FHOD3: variants seen among roughly 807,000 people sequenced by gnomAD.
The protein encoded by FHOD3 is FH1/FH2 domain-containing protein 3.
In FHOD3, 90 loss-of-function variants were observed where a neutral mutation model predicts 173.0. The ratio of observed to expected loss-of-function variants is 0.52; its 90% CI spans 0.44 to 0.62. FHOD3 has a LOEUF of 0.62. FHOD3 is among the 20% of genes least tolerant of loss of function. The probability of loss-of-function intolerance (pLI) is 0.00; values close to 1 mark genes in which losing one functional copy is unlikely to be tolerated. For missense variants in FHOD3, 1,945 were observed against 2,034.7 expected (o/e 0.96, Z 0.85); for synonymous variants, 828 against 823.0 (o/e 1.01, Z -0.10).
intron 19 of FHOD3, among the ~76,000 whole-genome samples, chr18:36,720,778 CTCTTCCTCCTCCTCT>C (rs779856451): frequency 0.018 from 689 of 38,728 alleles, 5 homozygotes; most frequent in South Asian, 0.11. Flanking sequence ...CCTCCTCCTC[CTCTTCCTCCTCCTCT>C]TCCTCCTCCT....
At chr18:36,778,193 C>T (rs2043826783) in intron 28 of FHOD3, 1 of 152,180 alleles carries the variant, frequency 6.6e-6, no homozygotes, top group African/African-American at 2.4e-5. Flanking sequence ...AAGGCATAGA[C>T]CATGGGGTGT....
intron 1 of FHOD3, among the ~76,000 whole-genome samples, chr18:36,300,410 G>C (rs1026662813): frequency 4.0e-4 from 61 of 152,312 alleles, no homozygotes; most frequent in African/African-American, 9.6e-4. Context: ...TAAAAGCCTT[G>C]AGGCAGAATT....
intron 14 of FHOD3, among the ~76,000 whole-genome samples, chr18:36,681,078 T>C (rs900517385): frequency 6.6e-6 from 1 of 152,168 alleles, no homozygotes; most frequent in Non-Finnish European, 1.5e-5. Context: ...GAAAGCTGAT[T>C]CTAGCTCATC....
At chr18:36,695,624 A>G (rs996048495) in intron 17 of FHOD3, among the ~76,000 whole-genome samples, 1 of 152,226 alleles carries the variant, frequency 6.6e-6, no homozygotes, top group African/African-American at 2.4e-5. Context: ...CAAATCAGCA[A>G]GAGCAAACAG....
chr18:36,686,102 G>T (rs548671851), intron 15 of FHOD3, among the ~76,000 whole-genome samples: 10 of 152,140 alleles, frequency 6.6e-5, no homozygotes, highest in African/African-American at 2.4e-4. Context: ...CGATTACTGG[G>T]TATATACCCA....
At position 36,375,736 on chromosome 18, in the gene FHOD3, C is replaced by T. The variant is rs540282279; in HGVS notation, c.337+2992C>T. On this transcript the variant is annotated intron_variant, in intron 3 of 28. Transcript: ENST00000590592. The stretch of plus-strand genomic sequence containing the variant: ...CACAGGGGCTCTGCTTCGATGGTTA[C>T]AGCTAGCAGCTGAAGCAGGTCTTTT... Among the ~76,000 whole-genome samples the T allele has an allele frequency of 5.9e-5, 9 of 152,320 alleles. No individual in the cohort carries two copies. In the South Asian group the frequency reaches 1.5e-3, roughly 25 times the overall value.
At chr18:36,512,637 A>G in intron 5 of FHOD3, 94 bp downstream of exon 5, 2 of 880,576 alleles carry the variant, frequency 2.3e-6, no homozygotes. Context: ...TTTTTAAAAG[A>G]CTTCGATTTG....
chr18:36,686,822 A>T (rs1568607111), intron 15 of FHOD3, among the ~76,000 whole-genome samples: 1 of 152,140 alleles, frequency 6.6e-6, no homozygotes, highest in African/African-American at 2.4e-5. Context: ...TTATTTATGG[A>T]TTTTTTAAAA....
chr18:36,663,789 C>T (rs953066732), intron 14 of FHOD3, among the ~76,000 whole-genome samples: 1 of 152,202 alleles, frequency 6.6e-6, no homozygotes, highest in Non-Finnish European at 1.5e-5. Flanking sequence ...GCCTGCCAGG[C>T]TTGCCTTTTG....
At chr18:36,479,581 G>A (rs1302075029) in intron 3 of FHOD3, among the ~76,000 whole-genome samples, 1 of 128,008 alleles carries the variant, frequency 7.8e-6, no homozygotes, top group Non-Finnish European at 1.6e-5. Flanking sequence ...GCCATTTTAG[G>A]AATGTGTACT....
chr18:36,318,209 T>C (rs2044224049), intron 1 of FHOD3, among the ~76,000 whole-genome samples: 2 of 151,192 alleles, frequency 1.3e-5, no homozygotes, highest in Admixed American at 6.6e-5. Flanking sequence ...CTAGGCAGGC[T>C]CTTTTTTTGG....
At chr18:36,553,971 A>C (rs770258405) in intron 5 of FHOD3, among the ~76,000 whole-genome samples, 22 of 152,330 alleles carry the variant, frequency 1.4e-4, no homozygotes, top group African/African-American at 1.9e-4. Context: ...GGCGATCATT[A>C]AAAAGTCAGG....
chr18:36,400,785 C>A (rs1248458030), intron 3 of FHOD3, among the ~76,000 whole-genome samples: 3 of 152,290 alleles, frequency 2.0e-5, no homozygotes, highest in Middle Eastern at 6.8e-3. Flanking sequence ...ACAGCCATCT[C>A]CTTTGGGATG....
rs766348312 is a variant in FHOD3, at chr18:36,779,492, G to A, written c.4831G>A (p.Ala1611Thr). The change falls in exon 29 of 29, where the codon GCC (alanine) becomes ACC (threonine). Residue 1611 changes from alanine (A) to threonine (T), a missense_variant. Physicochemically the swap from Ala to Thr is moderately conservative, Grantham distance 58 (BLOSUM62 0). Transcript: ENST00000590592. ...KSGLTPEEAR[A>T]LGLVGTSELQ... The stretch of plus-strand genomic sequence containing the variant: ...CGGCCTGACCCCAGAAGAAGCCAGA[G>A]CCCTGGGCTTGGTTGGCACCTCGGA... 5 of 1,614,172 alleles carry A rather than the reference G, an allele frequency of 3.1e-6. No individual in the cohort carries two copies. Among genetic ancestry groups the A allele is most frequent in the Non-Finnish European group, 4.2e-6 (5 of 1,180,036 alleles).
At chr18:36,693,481 A>G in intron 17 of FHOD3, 58 bp downstream of exon 17, 1 of 1,446,010 alleles carries the variant, frequency 6.9e-7, no homozygotes. Context: ...AGGCTTCCTC[A>G]GGGCAGTAGT....
At chr18:36,543,153 T>G (rs1599583145) in intron 5 of FHOD3, among the ~76,000 whole-genome samples, 2 of 152,208 alleles carry the variant, frequency 1.3e-5, no homozygotes, top group African/African-American at 2.4e-5. Flanking sequence ...ATCAGTTCTT[T>G]CCTGGATCTT....
chr18:36,555,386 TAA>T (rs1325651086), intron 5 of FHOD3, among the ~76,000 whole-genome samples: 1 of 143,266 alleles, frequency 7.0e-6, no homozygotes. Context: ...TCCATTGTGG[TAA>T]AAAAAAAAAC....
At chr18:36,748,988 A>G (rs533394278) in intron 24 of FHOD3, among the ~76,000 whole-genome samples, 1 of 140,458 alleles carries the variant, frequency 7.1e-6, no homozygotes, top group African/African-American at 3.0e-5. Context: ...TGAGGCACAG[A>G]AAGGACCCTA....
intron 5 of FHOD3, among the ~76,000 whole-genome samples, chr18:36,559,230 G>T (rs900835127): frequency 3.3e-5 from 5 of 152,116 alleles, no homozygotes; most frequent in African/African-American, 1.2e-4. Context: ...ACTGTCCAGC[G>T]TTTGATCACC....
Sources: gnomAD v4.1 joint callset for allele counts (sites outside exome capture counted in the v4.1 genomes callset) on GRCh38, gnomAD v4.1.1 for gene constraint, MANE v1.5 for transcripts, NCBI Gene and HGNC (gene_info 2026-07-23, HGNC 2026-07-21) for gene names.